Variants in RFTN1 observed in about 807,000 individuals in gnomAD.
RFTN1 encodes raftlin.
Under a neutral mutation model 46.5 loss-of-function variants are expected in RFTN1, and 26 were observed. The observed-to-expected ratio is 0.56, with a 90% CI of 0.41 to 0.78. RFTN1 has a LOEUF of 0.78. Among genes scored for constraint, RFTN1 ranks in the 30% least tolerant of loss-of-function variants. The probability of loss-of-function intolerance (pLI) is 0.00; values close to 1 mark genes in which losing one functional copy is unlikely to be tolerated. For synonymous variants in RFTN1, 261 were observed against 284.2 expected (o/e 0.92, Z 0.82); for missense variants, 693 against 718.7 (o/e 0.96, Z 0.41).
At chr3:16,416,446 A>G (rs1450570444) in intron 3 of RFTN1, among the ~76,000 whole-genome samples, 1 of 152,244 alleles carries the variant, frequency 6.6e-6, no homozygotes. Context: ...GAAAAATGGT[A>G]AAATCTACGG....
chr3:16,368,145 G>T (rs960696225), intron 6 of RFTN1, among the ~76,000 whole-genome samples: 9 of 148,992 alleles, frequency 6.0e-5, no homozygotes, highest in African/African-American at 2.2e-4. Flanking sequence ...GGGAGCCAAA[G>T]GTTCCTCCCT....
At position 16,352,079 on chromosome 3, in the gene RFTN1, A is replaced by C. The variant is rs1239011178; in HGVS notation, c.1146+5853T>G. On this transcript the variant is annotated intron_variant, in intron 7 of 9. Coordinates refer to ENST00000334133, the MANE Select transcript of RFTN1 (RefSeq NM_015150.2). The surrounding 1 kb of genome is among the most constrained non-coding windows in gnomAD (Gnocchi z 4.6). Reference sequence around the variant, plus strand: ...ATTTACATACTTTACATTCAAATAAAATGTGTAAGATAGGAATCTGATTTG... The same window carrying C: ...ATTTACATACTTTACATTCAAATAACATGTGTAAGATAGGAATCTGATTTG... 2.6e-5 allele frequency among the ~76,000 whole-genome samples: 4 copies of C among 152,206 alleles called. No homozygotes were observed. Among genetic ancestry groups the C allele is most frequent in the Admixed American group, 2.0e-4 (3 of 15,288 alleles).
At chr3:16,454,021 C>T (rs2075863284) in intron 2 of RFTN1, among the ~76,000 whole-genome samples, 1 of 152,160 alleles carries the variant, frequency 6.6e-6, no homozygotes. Context: ...AAGTCAAAGC[C>T]AGGGGTGAAC....
intron 9 of RFTN1, among the ~76,000 whole-genome samples, chr3:16,318,632 C>A (rs2068697497): frequency 1.3e-5 from 2 of 152,088 alleles, no homozygotes; most frequent in Admixed American, 6.5e-5. Flanking sequence ...GGATTTAGCA[C>A]CTTTTAGATA....
rs2075773644 is a variant in RFTN1, at chr3:16,448,602, G to A, written c.146-14565C>T. Among the ~76,000 whole-genome samples the A allele has an allele frequency of 6.6e-6, 1 of 152,116 alleles. No individual in the cohort carries two copies. The highest frequency in any genetic ancestry group is 2.4e-5 in the African/African-American group (1 of 41,410). ...GCTATTCCAAATTGGAGGAAAAAAAGTACAACTTTTTACTGCCTTCATGTT... is the reference window on the plus strand; with the variant it reads ...GCTATTCCAAATTGGAGGAAAAAAAATACAACTTTTTACTGCCTTCATGTT... On this transcript the variant is annotated intron_variant, in intron 2 of 9. Coordinates refer to ENST00000334133, the MANE Select transcript of RFTN1 (RefSeq NM_015150.2). The surrounding 1 kb of genome is among the most constrained non-coding windows in gnomAD (Gnocchi z 4.1).
In RFTN1 at chr3:16,377,885, C is replaced by T; in HGVS notation, c.659G>A (p.Ser220Asn). The T allele has an allele frequency of 6.2e-7, 1 of 1,614,222 alleles. No individual in the cohort carries two copies. Among genetic ancestry groups the T allele is most frequent in the Non-Finnish European group, 8.5e-7 (1 of 1,180,042 alleles). The change falls in exon 5 of 10, where the codon AGC (serine) becomes AAC (asparagine). Residue 220 changes from serine to asparagine, a missense_variant. Ser to Asn is a conservative substitution (Grantham distance 46). Coordinates refer to ENST00000334133, the MANE Select transcript of RFTN1 (RefSeq NM_015150.2). ...TCTGGGGCCTGAGCTGGGCTCTGGGCTTTGGTTTCTCCCAGCCGGAGCACT... is the reference window on the plus strand; with the variant it reads ...TCTGGGGCCTGAGCTGGGCTCTGGGTTTTGGTTTCTCCCAGCCGGAGCACT... ...VCSAPAGRNQ[S>N]PEPSSGPRGE...
rs767408396 is a variant in RFTN1 at position 16,410,082 on chromosome 3, A to G, written c.333-599T>C. 1.3e-5 allele frequency among the ~76,000 whole-genome samples: 2 copies of G among 152,034 alleles called. No homozygotes were observed. The highest frequency in any genetic ancestry group is 2.4e-5 in the African/African-American group (1 of 41,378). On this transcript the variant is annotated intron_variant, in intron 3 of 9. Coordinates refer to ENST00000334133, the MANE Select transcript of RFTN1 (RefSeq NM_015150.2). The surrounding 1 kb of genome is among the most constrained non-coding windows in gnomAD (Gnocchi z 4.6). ...AGTAACGTCAAAAAGGCACTGATGA[A>G]AAATGGTTTATGGAAACTACTCAAG...
In RFTN1 at chr3:16,345,447, C is replaced by T. The variant is rs2071590283; in HGVS notation, c.1146+12485G>A. On this transcript the variant is annotated intron_variant, in intron 7 of 9. Transcript: ENST00000334133. This position sits in a 1 kb window ranked among gnomAD's most constrained non-coding sequence, Gnocchi z 5.2. ...TTTTGGGCATGTTGTGAGGGTGTTT[C>T]TGGAAAAGATTAGCATTTGAATGGG... Among the ~76,000 whole-genome samples, 1 of 152,132 alleles carries T rather than the reference C, an allele frequency of 6.6e-6. No individual in the cohort carries two copies.
rs2125516250 is a variant in RFTN1, at chr3:16,443,348, T to C, written c.146-9311A>G. Among the ~76,000 whole-genome samples the C allele has an allele frequency of 6.6e-6, 1 of 152,296 alleles. No individual in the cohort carries two copies. Among genetic ancestry groups the C allele is most frequent in the African/African-American group, 2.4e-5 (1 of 41,574 alleles). On this transcript the variant is annotated intron_variant, in intron 2 of 9. Coordinates refer to ENST00000334133, the MANE Select transcript of RFTN1 (RefSeq NM_015150.2). The surrounding 1 kb of genome is among the most constrained non-coding windows in gnomAD (Gnocchi z 5.5). The stretch of plus-strand genomic sequence containing the variant: ...AGTGATGTTAATAAGCATTCTTTCA[T>C]ATATGTGTGGGCCACTTTTATATCT...
At position 16,447,759 on chromosome 3, in the gene RFTN1, A is replaced by G. The variant is rs924708542; in HGVS notation, c.146-13722T>C. On this transcript the variant is annotated intron_variant, in intron 2 of 9. Transcript: ENST00000334133. The surrounding 1 kb of genome is among the most constrained non-coding windows in gnomAD (Gnocchi z 5.9). ...TTCTAATTACACCCAGAAGAAAAATACGATCTATCCACCGTTGGCACAAGA... is the reference window on the plus strand; with the variant it reads ...TTCTAATTACACCCAGAAGAAAAATGCGATCTATCCACCGTTGGCACAAGA... 4.6e-5 allele frequency among the ~76,000 whole-genome samples: 7 copies of G among 152,222 alleles called. No individual in the cohort carries two copies. Among genetic ancestry groups the G allele is most frequent in the Admixed American group, 2.6e-4 (4 of 15,280 alleles).
intron 7 of RFTN1, among the ~76,000 whole-genome samples, chr3:16,333,589 T>G (rs1298986060): frequency 2.0e-5 from 3 of 152,144 alleles, no homozygotes; most frequent in African/African-American, 7.2e-5. Flanking sequence ...ATGTTTAAAG[T>G]GAACACTGGA....
chr3:16,422,345 C>T lies in RFTN1; in HGVS notation c.332+11506G>A, dbSNP rs866799088. On this transcript the variant is annotated intron_variant, in intron 3 of 9. Transcript: ENST00000334133. The surrounding 1 kb of genome is among the most constrained non-coding windows in gnomAD (Gnocchi z 4.6). ...ATCAAGATCCTAAAAAAGAATAGTG[C>T]CCTGGCCGGGTGTGGTGGCTCACGC... Among the ~76,000 whole-genome samples, 2 of 151,944 alleles carry T rather than the reference C, an allele frequency of 1.3e-5. No individual in the cohort carries two copies. The highest frequency in any genetic ancestry group is 4.8e-5 in the African/African-American group (2 of 41,380).
rs149684253 is a variant in RFTN1 at position 16,347,015 on chromosome 3, C to T, written c.1146+10917G>A. Among the ~76,000 whole-genome samples the T allele has an allele frequency of 3.2e-3, 484 of 152,328 alleles. 2 individuals carry two copies. The highest frequency in any genetic ancestry group is 0.011 in the African/African-American group (443 of 41,574). On this transcript the variant is annotated intron_variant, in intron 7 of 9. Transcript: ENST00000334133. ...TTTTAGTTGGATTTCCTGCTATGAA[C>T]GGTGGAAAGCAACCCAACTGATACC... is the stretch of plus-strand genomic sequence containing the variant.
At position 16,429,544 on chromosome 3, in the gene RFTN1, C is replaced by T. The variant is rs1293527816; in HGVS notation, c.332+4307G>A. On this transcript the variant is annotated intron_variant, in intron 3 of 9. Transcript: ENST00000334133. This position sits in a 1 kb window ranked among gnomAD's most constrained non-coding sequence, Gnocchi z 6.4. ...CTCCTGTGGCATGAGGCACATATCT[C>T]ATTTACTTAATTAGACTGCAAGTGC... Among the ~76,000 whole-genome samples, 1 of 152,208 alleles carries T rather than the reference C, an allele frequency of 6.6e-6. No individual in the cohort carries two copies. Among genetic ancestry groups the T allele is most frequent in the Non-Finnish European group, 1.5e-5 (1 of 68,036 alleles).
rs1265266582 is a variant in RFTN1 at position 16,422,277 on chromosome 3, A to C, written c.332+11574T>G. 6.6e-6 allele frequency among the ~76,000 whole-genome samples: 1 copy of C among 152,214 alleles called. No homozygotes were observed. Among genetic ancestry groups the C allele is most frequent in the African/African-American group, 2.4e-5 (1 of 41,454 alleles). On this transcript the variant is annotated intron_variant, in intron 3 of 9. Coordinates refer to ENST00000334133, the MANE Select transcript of RFTN1 (RefSeq NM_015150.2). This position sits in a 1 kb window ranked among gnomAD's most constrained non-coding sequence, Gnocchi z 4.6. ...AACAGAGTTTACCAGGAACTGAAGA[A>C]ATTATTTCAGGCTTTACATGGAAAA...
rs1162383527 is a variant in RFTN1, at chr3:16,433,166, CCTCA to C, written c.332+681_332+684del. On this transcript the variant is annotated intron_variant, in intron 3 of 9. Transcript: ENST00000334133. This position sits in a 1 kb window ranked among gnomAD's most constrained non-coding sequence, Gnocchi z 4.4. ...AAACATACTGCTCTCTCCATCCCATCCTCACTGTTTTTTTTTTTTAAAAAAATTA... is the reference window on the plus strand; with the variant it reads ...AAACATACTGCTCTCTCCATCCCATCCTGTTTTTTTTTTTTAAAAAAATTA... Among the ~76,000 whole-genome samples, 16 of 130,960 alleles carry C rather than the reference CCTCA, an allele frequency of 1.2e-4. No individual in the cohort carries two copies. Among genetic ancestry groups the C allele is most frequent in the South Asian group, 2.3e-4 (1 of 4,382 alleles). The allele number at this position is 130,960 out of a possible 152,430, so 85.9% of individuals were successfully genotyped here.
chr3:16,405,098 G>T (rs577927572), intron 4 of RFTN1, among the ~76,000 whole-genome samples: 1 of 152,268 alleles, frequency 6.6e-6, no homozygotes, highest in African/African-American at 2.4e-5. Context: ...CACATAGGCT[G>T]TTCATTCTGT....
In RFTN1 at chr3:16,428,157, A is replaced by G. The variant is rs985828635; in HGVS notation, c.332+5694T>C. Among the ~76,000 whole-genome samples, 9 of 152,236 alleles carry G rather than the reference A, an allele frequency of 5.9e-5. No individual in the cohort carries two copies. The highest frequency in any genetic ancestry group is 1.2e-4 in the Non-Finnish European group (8 of 68,036). ...CAAAAGGGATAAATGTTTACCACTT[A>G]AAACAGTGCCAGTTATTCTATTCAA... is the stretch of plus-strand genomic sequence containing the variant. On this transcript the variant is annotated intron_variant, in intron 3 of 9. Coordinates refer to ENST00000334133, the MANE Select transcript of RFTN1 (RefSeq NM_015150.2). This position sits in a 1 kb window ranked among gnomAD's most constrained non-coding sequence, Gnocchi z 4.7.
intron 1 of RFTN1, among the ~76,000 whole-genome samples, chr3:16,508,624 G>C (rs529495666): frequency 4.1e-4 from 62 of 152,112 alleles, no homozygotes; most frequent in Non-Finnish European, 4.7e-4. Context: ...GCCCCTTTGG[G>C]GCCCAGGAGA....
Sources: gnomAD v4.1 joint callset for allele counts (sites outside exome capture counted in the v4.1 genomes callset) on GRCh38, gnomAD v4.1.1 for gene constraint, Gnocchi (gnomAD v3.1) non-coding constraint, MANE v1.5 for transcripts, NCBI Gene and HGNC (gene_info 2026-07-23, HGNC 2026-07-21) for gene names.